Variants in GDF6 observed in about 807,000 individuals in gnomAD.
GDF6 encodes growth/differentiation factor 6.
In GDF6, 3 loss-of-function variants were observed where a neutral mutation model predicts 32.4. The observed-to-expected ratio is 0.09, with a 90% CI of 0.04 to 0.24. The LOEUF (loss-of-function observed/expected upper bound fraction) is 0.24. GDF6 is among the 10% of genes least tolerant of loss of function. The probability of loss-of-function intolerance (pLI) is 1.00; values close to 1 mark genes in which losing one functional copy is unlikely to be tolerated. For missense variants in GDF6, 589 were observed against 637.9 expected, an observed-to-expected ratio of 0.92 and a Z score of 0.83; for synonymous variants, 296 against 295.3, an observed-to-expected ratio of 1.00 and a Z score of -0.03.
In GDF6 at chr8:96,144,655, T is replaced by C. The variant is rs1284014268; in HGVS notation, c.1276A>G (p.Thr426Ala). The C allele has an allele frequency of 6.2e-7, 1 of 1,613,666 alleles. No individual in the cohort carries two copies. Among genetic ancestry groups the C allele is most frequent in the South Asian group, 1.1e-5 (1 of 91,046 alleles). Residue 426 changes from threonine to alanine, a missense_variant, in exon 2 of 2, where the codon ACT becomes GCT. Transcript: ENST00000287020. The surrounding 1 kb of genome is among the most constrained non-coding windows in gnomAD (Gnocchi z 5.1). ...TCGATGTATAGAATGCTGATGGGAG[T>C]CAATTTGGTGGGCACGCAGCAGCTG... is the stretch of plus-strand genomic sequence containing the variant. ...PPSCCVPTKL[T>A]PISILYIDAG...
chr8:96,152,359 G>C (rs752911428), intron 1 of GDF6, among the ~76,000 whole-genome samples: 1 of 152,150 alleles, frequency 6.6e-6, no homozygotes, highest in Non-Finnish European at 1.5e-5. Context: ...TTCTGCAGGG[G>C]TCAAGGCCAG....
chr8:96,160,653 T>A lies in GDF6; in HGVS notation c.40A>T (p.Ile14Phe), dbSNP rs773668867. ...PRVLLSAVFL[I>F]SFLWDLPGFQ... is the part of the protein sequence containing the mutation. ...CCGGGCAAATCCCACAGAAAACTGA[T>A]GAGGAAGACGGCCGAGAGCAGGACC... Residue 14 changes from isoleucine (I) to phenylalanine (F), a missense_variant, in exon 1 of 2, where the codon ATC becomes TTC. Around this residue, in one of 2 missense-constraint regions of GDF6, gnomAD observed 436 missense variants for 411.2 expected, o/e 1.06. Transcript: ENST00000287020. 2.5e-6 allele frequency: 4 copies of A among 1,613,604 alleles called. No individual in the cohort carries two copies. In the South Asian group the frequency reaches 4.4e-5, roughly 18 times the overall value.
chr8:96,154,457 G>A (rs1812624881), intron 1 of GDF6, among the ~76,000 whole-genome samples: 1 of 152,196 alleles, frequency 6.6e-6, no homozygotes, highest in Non-Finnish European at 1.5e-5. Flanking sequence ...TTTAATTCCT[G>A]TAAACAGGAG....
chr8:96,145,674 C>T lies in GDF6; in HGVS notation c.407-150G>A. 1.1e-6 allele frequency: 1 copy of T among 896,190 alleles called. No individual in the cohort carries two copies. 55.5% of individuals were successfully genotyped at this position (896,190 alleles called of 1,614,324 possible). A position where few individuals can be genotyped will look rare whatever the true frequency, so the allele number is the denominator to read the frequency against. ...CCGGCCCAGGGCCTGACCACCCCGG[C>T]TCCCCATCTGGCTGGTGCATGGCGC... On this transcript the variant is annotated intron_variant, in intron 1 of 1. Coordinates refer to ENST00000287020, the MANE Select transcript of GDF6 (RefSeq NM_001001557.4). This position sits in a 1 kb window ranked among gnomAD's most constrained non-coding sequence, Gnocchi z 5.6.
rs779812603 is a variant in GDF6, at chr8:96,160,270, T to C, written c.406+17A>G. Reference sequence around the variant, plus strand: ...GCTCCAGCGGGAGGGGAGTCGAGCGTTTTCTTTGCCACTTACCTAGTCCCC... The same window carrying C: ...GCTCCAGCGGGAGGGGAGTCGAGCGCTTTCTTTGCCACTTACCTAGTCCCC... On this transcript the variant is annotated intron_variant, in intron 1 of 1. Transcript: ENST00000287020. 7 of 1,613,890 alleles carry C rather than the reference T, an allele frequency of 4.3e-6. No homozygotes were observed. In the East Asian group the frequency reaches 1.3e-4, roughly 31 times the overall value.
In GDF6 at chr8:96,144,434, A is replaced by G. The variant is rs1203831296; in HGVS notation, c.*129T>C. ...TTCTCTCCCACCGGCTCTCACATCC[A>G]GGCTGTTCCCTCACCCTCAGCCTCC... is the stretch of plus-strand genomic sequence containing the variant. On this transcript the variant is annotated 3_prime_UTR_variant, in exon 2 of 2. Transcript: ENST00000287020. The surrounding 1 kb of genome is among the most constrained non-coding windows in gnomAD (Gnocchi z 5.1). 8.8e-6 allele frequency: 10 copies of G among 1,129,952 alleles called. No homozygotes were observed. The East Asian group carries it at 2.3e-4, about 26-fold the overall frequency. 70.0% of individuals were successfully genotyped at this position (1,129,952 alleles called of 1,614,324 possible).
chr8:96,156,065 A>C (rs532317079), intron 1 of GDF6, among the ~76,000 whole-genome samples: 23 of 152,326 alleles, frequency 1.5e-4, no homozygotes, highest in African/African-American at 5.5e-4. Flanking sequence ...GAAGCCAACA[A>C]ACAATCAGTG....
intron 1 of GDF6, among the ~76,000 whole-genome samples, chr8:96,159,958 C>T (rs1238472811): frequency 6.6e-6 from 1 of 152,146 alleles, no homozygotes; most frequent in Non-Finnish European, 1.5e-5. Flanking sequence ...CCTCTCCAGC[C>T]GGGTTCATCC....
At chr8:96,146,815 A>G (rs970977981) in intron 1 of GDF6, among the ~76,000 whole-genome samples, 4 of 152,176 alleles carry the variant, frequency 2.6e-5, no homozygotes, top group African/African-American at 9.7e-5. Context: ...TTTGGTCATA[A>G]GTGAGAAAAA....
rs773711684 is a variant in GDF6 at position 96,145,561 on chromosome 8, A to C, written c.407-37T>G. 12 of 1,597,034 alleles carry C rather than the reference A, an allele frequency of 7.5e-6. No individual in the cohort carries two copies. The highest frequency in any genetic ancestry group is 1.0e-5 in the Non-Finnish European group (12 of 1,179,446). ...AAAATAATTACAGTCAGTTTCACTT[A>C]AGGGGGAGATCAGCCCGGTGCTCTT... On this transcript the variant is annotated intron_variant, in intron 1 of 1. Transcript: ENST00000287020. This position sits in a 1 kb window ranked among gnomAD's most constrained non-coding sequence, Gnocchi z 5.6.
Position 96,144,779 on chromosome 8 carries a change from C to G in GDF6, c.1152G>C (p.Glu384Asp), listed in dbSNP as rs778407122. 5 of 1,614,032 alleles carry G rather than the reference C, an allele frequency of 3.1e-6. No individual in the cohort carries two copies. The highest frequency in any genetic ancestry group is 4.2e-6 in the Non-Finnish European group (5 of 1,180,032). ...AGCGCAGCGGGAAGTCGCATACACC[C>G]TCGCAGTGATAGGCCTCGTACTCCA... ...APLEYEAYHC[E>D]GVCDFPLRSH... is the part of the protein sequence containing the mutation. The change falls in exon 2 of 2, where the codon GAG becomes GAC. Residue 384 changes from glutamate (E) to aspartate (D), a missense_variant. Transcript: ENST00000287020. This position sits in a 1 kb window ranked among gnomAD's most constrained non-coding sequence, Gnocchi z 5.1.
At chr8:96,147,981 T>A (rs1415887031) in intron 1 of GDF6, among the ~76,000 whole-genome samples, 1 of 152,220 alleles carries the variant, frequency 6.6e-6, no homozygotes, top group Admixed American at 6.5e-5. Flanking sequence ...GAAATCAGCC[T>A]GCTTTTGTTT....
rs1434301907 is a variant in GDF6 at position 96,160,651 on chromosome 8, G to A, written c.42C>T (p.Ile14=). The change falls in exon 1 of 2, where the codon ATC becomes ATT. Residue 14 remains isoleucine (I), a synonymous_variant. Transcript: ENST00000287020. ...AACCGGGCAAATCCCACAGAAAACT[G>A]ATGAGGAAGACGGCCGAGAGCAGGA... ...PRVLLSAVFL[I]SFLWDLPGFQ... is the part of the protein sequence containing the mutation. 6.2e-7 allele frequency: 1 copy of A among 1,613,698 alleles called. No individual in the cohort carries two copies.
At position 96,144,334 on chromosome 8, in the gene GDF6, T is replaced by G; in HGVS notation, c.*229A>C. On this transcript the variant is annotated 3_prime_UTR_variant, in exon 2 of 2. Coordinates refer to ENST00000287020, the MANE Select transcript of GDF6 (RefSeq NM_001001557.4). The surrounding 1 kb of genome is among the most constrained non-coding windows in gnomAD (Gnocchi z 5.1). ...TCCTCCTTGGCTTGTTTTTCCAGGG[T>G]GGCCAGGCAAGGTGTGAAAATCCAT... 5 of 540,404 alleles carry G rather than the reference T, an allele frequency of 9.3e-6. No individual in the cohort carries two copies. Among genetic ancestry groups the G allele is most frequent in the East Asian group, 3.2e-5 (1 of 31,266 alleles). 33.5% of individuals were successfully genotyped at this position (540,404 alleles called of 1,614,324 possible).
rs2130205896 is a variant in GDF6 at position 96,144,942 on chromosome 8, C to G, written c.989G>C (p.Gly330Ala). The G allele has an allele frequency of 1.3e-6, 2 of 1,568,264 alleles. No individual in the cohort carries two copies. Among genetic ancestry groups the G allele is most frequent in the Non-Finnish European group, 1.7e-6 (2 of 1,158,150 alleles). The change falls in exon 2 of 2, where the codon GGC (glycine) becomes GCC (alanine). Residue 330 changes from glycine (G) to alanine (A), a missense_variant. Around this residue, in one of 2 missense-constraint regions of GDF6, gnomAD observed 153 missense variants for 226.7 expected, o/e 0.67. Transcript: ENST00000287020. This position sits in a 1 kb window ranked among gnomAD's most constrained non-coding sequence, Gnocchi z 5.1. ...PDARPWLPSP[G>A]RRRRRTAFAS... The stretch of plus-strand genomic sequence containing the variant: ...GAAGGCCGTGCGCCGCCGCCGGCGG[C>G]CGGGCGAGGGCAGCCAAGGCCTGGC...
chr8:96,154,260 G>A (rs1812621494), intron 1 of GDF6, among the ~76,000 whole-genome samples: 1 of 152,130 alleles, frequency 6.6e-6, no homozygotes, highest in South Asian at 2.1e-4. Context: ...AGGCGCCGGG[G>A]CCACTAGCGC....
At chr8:96,151,819 G>A (rs1421578178) in intron 1 of GDF6, among the ~76,000 whole-genome samples, 7 of 152,200 alleles carry the variant, frequency 4.6e-5, no homozygotes, top group Non-Finnish European at 1.0e-4. Flanking sequence ...CTGTGACTTA[G>A]TGGCTGGGTG....
At chr8:96,158,173 T>G (rs753040980) in intron 1 of GDF6, among the ~76,000 whole-genome samples, 4 of 152,180 alleles carry the variant, frequency 2.6e-5, no homozygotes, top group Non-Finnish European at 5.9e-5. Flanking sequence ...CTCCACCGCA[T>G]TCCGGGGTTG....
chr8:96,144,270 GAGAGAGAGAGAGAGAGAGA>G lies in GDF6; in HGVS notation c.*274_*292del. 2.2e-6 allele frequency: 1 copy of G among 456,164 alleles called. No homozygotes were observed. Among genetic ancestry groups the G allele is most frequent in the African/African-American group, 2.2e-5 (1 of 45,526 alleles). The allele number at this position is 456,164 out of a possible 1,614,324, so 28.3% of individuals were successfully genotyped here. On this transcript the variant is annotated 3_prime_UTR_variant, in exon 2 of 2. Coordinates refer to ENST00000287020, the MANE Select transcript of GDF6 (RefSeq NM_001001557.4). The surrounding 1 kb of genome is among the most constrained non-coding windows in gnomAD (Gnocchi z 5.1). The stretch of plus-strand genomic sequence containing the variant: ...AGAGAGAGAGAGAGAGAGAGAGAGA[GAGAGAGAGAGAGAGAGAGA>G]GAAAACAGAACAAAAGAAATCCTCC...
Sources: allele counts gnomAD v4.1 joint callset (sites outside exome capture counted in the v4.1 genomes callset), GRCh38; gene constraint gnomAD v4.1.1; regional missense constraint gnomAD v4.1.1; non-coding constraint Gnocchi (gnomAD v3.1); transcripts MANE v1.5; gene names NCBI Gene and HGNC (gene_info 2026-07-23, HGNC 2026-07-21).